MTR: variants seen among roughly 807,000 people sequenced by gnomAD.
The protein encoded by MTR is 5-methyltetrahydrofolate-homocysteine methyltransferase.
MTR carries 84 observed loss-of-function variants against 154.8 expected under a neutral mutation model. That is an observed-to-expected ratio of 0.54 (90% CI 0.45 to 0.65). The LOEUF (loss-of-function observed/expected upper bound fraction) is 0.65, where lower values mean the gene tolerates loss of function less well. MTR is among the 30% of genes least tolerant of loss of function. The pLI is 0.00. For synonymous variants in MTR, 554 were observed against 553.9 expected, an observed-to-expected ratio of 1.00 and a Z score of 0.00; for missense variants, 1,275 against 1,570.2, an observed-to-expected ratio of 0.81 and a Z score of 3.18.
intron 22 of MTR, among the ~76,000 whole-genome samples, chr1:236,868,201 G>A (rs1266874552): frequency 6.6e-6 from 1 of 152,184 alleles, no homozygotes; most frequent in East Asian, 1.9e-4. Context: ...TCAGTCAGCA[G>A]CCATGAACAT....
rs10925264 is a variant in MTR, at chr1:236,902,283, G to T, written c.*4639G>T. On this transcript the variant is annotated 3_prime_UTR_variant, in exon 33 of 33. Transcript: ENST00000366577. ...ATAACCCCACCCCGGTTCCACCCAA[G>T]TCAGGAAAGCTTCCCAACCCCTCCC... 0.72 allele frequency: 109,277 copies of T among 151,952 alleles called. 40,581 individuals are homozygous for T. The highest frequency in any genetic ancestry group is 0.91 in the African/African-American group (37,726 of 41,428). The allele number at this position is 151,952 out of a possible 1,614,324, so 9.4% of individuals were successfully genotyped here.
At chr1:236,858,520 A>G (rs1664334844) in intron 18 of MTR, among the ~76,000 whole-genome samples, 1 of 152,176 alleles carries the variant, frequency 6.6e-6, no homozygotes, top group Non-Finnish European at 1.5e-5. Context: ...CGTGAAAGCA[A>G]TAGGAAACTT....
chr1:236,835,565 A>G lies in MTR; in HGVS notation c.1207A>G (p.Lys403Glu), dbSNP rs1204013940. The change falls in exon 14 of 33, where the codon AAA (lysine) becomes GAA (glutamate). Residue 403 changes from lysine to glutamate, a missense_variant. Coordinates refer to ENST00000366577, the MANE Select transcript of MTR (RefSeq NM_000254.3). ...GNYEEALCVA[K>E]VQVEMGAQVL... is the part of the protein sequence containing the mutation. ...CCTTCAGGAAGCCTTGTGTGTTGCC[A>G]AAGTGCAGGTGGAAATGGGAGCCCA... The G allele has an allele frequency of 1.2e-6, 2 of 1,611,844 alleles. No homozygotes were observed. Among genetic ancestry groups the G allele is most frequent in the Non-Finnish European group, 1.7e-6 (2 of 1,179,670 alleles).
intron 1 of MTR, among the ~76,000 whole-genome samples, chr1:236,796,378 C>A (rs556481084): frequency 6.6e-6 from 1 of 152,098 alleles, no homozygotes. Context: ...GAGAACTGAA[C>A]GTAATGTTAG....
chr1:236,891,598 C>T lies in MTR; in HGVS notation c.3204+269C>T, dbSNP rs148423229. 6.0e-3 allele frequency among the ~76,000 whole-genome samples: 918 copies of T among 152,284 alleles called. 6 individuals are homozygous for T. The highest frequency in any genetic ancestry group is 9.5e-3 in the Non-Finnish European group (646 of 68,018). ...CATGGATGGGCGAGGACCATTGCTG[C>T]TGTCTCAGGTGGTCACGTGTCAGGA... On this transcript the variant is annotated intron_variant, in intron 29 of 32. Coordinates refer to ENST00000366577, the MANE Select transcript of MTR (RefSeq NM_000254.3).
At chr1:236,847,935 G>A (rs1663679577) in intron 15 of MTR, among the ~76,000 whole-genome samples, 1 of 152,222 alleles carries the variant, frequency 6.6e-6, no homozygotes, top group Non-Finnish European at 1.5e-5. Context: ...CAGCCCTGGT[G>A]AGGAGTAAGA....
In MTR at chr1:236,897,588, T is replaced by C. The variant is rs745627967; in HGVS notation, c.3742T>C (p.Ser1248Pro). Residue 1248 changes from serine (S) to proline (P), a missense_variant, in exon 33 of 33, where the codon TCT becomes CCT. Ser to Pro is a moderately conservative substitution (Grantham distance 74). Transcript: ENST00000366577. The stretch of plus-strand genomic sequence containing the variant: ...GGATTATGCATTGAGGAAGAACATA[T>C]CTGTGGCTGAGGTTGAGAAATGGCT... Reference protein sequence around the residue: ...VEDYALRKNISVAEVEKWLGP... With the variant: ...VEDYALRKNIPVAEVEKWLGP... 1 of 1,614,094 alleles carries C rather than the reference T, an allele frequency of 6.2e-7. No individual in the cohort carries two copies. The highest frequency in any genetic ancestry group is 8.5e-7 in the Non-Finnish European group (1 of 1,179,996).
At chr1:236,812,908 A>C in intron 6 of MTR, 64 bp downstream of exon 6, 1 of 1,194,404 alleles carries the variant, frequency 8.4e-7, no homozygotes, top group Non-Finnish European at 1.3e-6. Flanking sequence ...CCCCTAATGT[A>C]GGGAGAAGAT....
At chr1:236,894,320 G>T in intron 29 of MTR, 37 bp from the exon 30 acceptor site, 1 of 1,608,206 alleles carries the variant, frequency 6.2e-7, no homozygotes, top group Non-Finnish European at 8.5e-7. Flanking sequence ...TCTTGCTAAC[G>T]GCGCCCCCGC....
Position 236,889,164 on chromosome 1 carries a change from A to G in MTR, c.2852-17A>G, listed in dbSNP as rs374667009. On this transcript the variant is annotated splice_polypyrimidine_tract_variant and intron_variant, in intron 27 of 32. Transcript: ENST00000366577. ...GGTGCCAGCGTCAGCATTGACAACC[A>G]TACTTCTCTCCTGTAGTGAAGCCCA... 2 of 1,613,970 alleles carry G rather than the reference A, an allele frequency of 1.2e-6. No individual in the cohort carries two copies. The highest frequency in any genetic ancestry group is 1.7e-6 in the Non-Finnish European group (2 of 1,180,028).
intron 8 of MTR, among the ~76,000 whole-genome samples, chr1:236,823,365 A>G (rs1662086595): frequency 1.3e-5 from 2 of 152,146 alleles, no homozygotes; most frequent in Non-Finnish European, 1.5e-5. Context: ...AGTTCTCAAA[A>G]AGTTTCATAT....
chr1:236,827,006 G>A, intron 11 of MTR, 110 bp downstream of exon 11: 2 of 989,822 alleles, frequency 2.0e-6, no homozygotes, highest in Non-Finnish European at 3.1e-6. Flanking sequence ...AAATTTGTAT[G>A]TTGAAGTTCT....
chr1:236,861,548 C>G (rs1030491203), intron 20 of MTR, among the ~76,000 whole-genome samples: 9 of 152,136 alleles, frequency 5.9e-5, no homozygotes, highest in African/African-American at 1.7e-4. Flanking sequence ...CCCCCAGTGC[C>G]TATCTCTCCC....
At chr1:236,839,522 A>G (rs1258164045) in intron 15 of MTR, among the ~76,000 whole-genome samples, 1 of 152,212 alleles carries the variant, frequency 6.6e-6, no homozygotes, top group Non-Finnish European at 1.5e-5. Flanking sequence ...GATAAATGGC[A>G]GTCTTCATAA....
At chr1:236,880,935 C>A in intron 25 of MTR, 99 bp downstream of exon 25, 2 of 1,232,966 alleles carry the variant, frequency 1.6e-6, no homozygotes, top group Non-Finnish European at 2.4e-6. Context: ...TTCAGTTCTA[C>A]TAAATAAAGG....
In MTR at chr1:236,871,910, G is replaced by A. The variant is rs570842630; in HGVS notation, c.2406-1863G>A. ...CCAGTGGTATGAAAGGGCATATAGT[G>A]AGAAGCCAGTCCCCTTCCTGCCCCA... is the stretch of plus-strand genomic sequence containing the variant. On this transcript the variant is annotated intron_variant, in intron 22 of 32. Coordinates refer to ENST00000366577, the MANE Select transcript of MTR (RefSeq NM_000254.3). Among the ~76,000 whole-genome samples the A allele has an allele frequency of 3.9e-5, 6 of 152,192 alleles. No individual in the cohort carries two copies. The South Asian group carries it at 1.2e-3, about 32-fold the overall frequency.
chr1:236,894,385 C>G lies in MTR; in HGVS notation c.3233C>G (p.Pro1078Arg). The change falls in exon 30 of 33, where the codon CCA becomes CGA. Residue 1078 changes from proline (P) to arginine (R), a missense_variant. Physicochemically the swap from Pro to Arg is moderately radical, Grantham distance 103. Coordinates refer to ENST00000366577, the MANE Select transcript of MTR (RefSeq NM_000254.3). ...QAEKDSASTE[P>R]YYCLSDFIAP... ...GAGAAGGACTCTGCCAGCACGGAGCCATACTACTGCCTCTCAGACTTCATC... is the reference window on the plus strand; with the variant it reads ...GAGAAGGACTCTGCCAGCACGGAGCGATACTACTGCCTCTCAGACTTCATC... The G allele has an allele frequency of 6.2e-7, 1 of 1,614,246 alleles. No homozygotes were observed. The highest frequency in any genetic ancestry group is 1.3e-5 in the African/African-American group (1 of 75,066).
chr1:236,813,479 T>TTATACTCCC (rs1186484684), intron 6 of MTR, among the ~76,000 whole-genome samples: 13 of 152,300 alleles, frequency 8.5e-5, no homozygotes, highest in African/African-American at 3.1e-4. Context: ...CTGGACTCAT[T>TTATACTCCC]TATACTCCCT....
At chr1:236,820,556 T>C in intron 8 of MTR, 1 of 590,006 alleles carries the variant, frequency 1.7e-6, no homozygotes, top group Admixed American at 2.8e-5. Flanking sequence ...AACATGGAAA[T>C]AAGGCTGATG....
Sources: gnomAD v4.1 joint callset for allele counts (sites outside exome capture counted in the v4.1 genomes callset) on GRCh38, gnomAD v4.1.1 for gene constraint, MANE v1.5 for transcripts, NCBI Gene and HGNC (gene_info 2026-07-23, HGNC 2026-07-21) for gene names.